Variants in COMMD10 observed in about 807,000 individuals in gnomAD.
COMMD10 encodes the protein COMM domain containing 10, also known as COMM domain-containing protein 10.
Under a neutral mutation model 28.9 loss-of-function variants are expected in COMMD10, and 33 were observed. The ratio of observed to expected loss-of-function variants is 1.14; its 90% CI spans 0.87 to 1.53. The LOEUF (loss-of-function observed/expected upper bound fraction) is 1.53. COMMD10 is among the 40% of genes most tolerant of loss of function. The pLI is 0.00. For missense variants in COMMD10, 310 were observed against 233.4 expected, an observed-to-expected ratio of 1.33 and a Z score of -2.14; for synonymous variants, 110 against 81.7, an observed-to-expected ratio of 1.35 and a Z score of -1.87.
At chr5:116,159,420 C>G (rs1490937082) in intron 5 of COMMD10, among the ~76,000 whole-genome samples, 2 of 152,182 alleles carry the variant, frequency 1.3e-5, no homozygotes, top group East Asian at 1.9e-4. Context: ...GGTCTCTACT[C>G]AAGTATCATT....
At chr5:116,101,491 A>G (rs905137161) in intron 4 of COMMD10, among the ~76,000 whole-genome samples, 4 of 151,878 alleles carry the variant, frequency 2.6e-5, no homozygotes, top group Admixed American at 2.6e-4. Context: ...CAATGGTGTG[A>G]CCTCGGCTCA....
At chr5:116,185,936 C>A (rs914169329) in intron 5 of COMMD10, among the ~76,000 whole-genome samples, 1 of 151,974 alleles carries the variant, frequency 6.6e-6, no homozygotes, top group Non-Finnish European at 1.5e-5. Context: ...GAACTCTGAC[C>A]CTGGATGAAT....
At chr5:116,110,918 T>G (rs765657195) in intron 4 of COMMD10, among the ~76,000 whole-genome samples, 1 of 152,152 alleles carries the variant, frequency 6.6e-6, no homozygotes, top group Admixed American at 6.5e-5. Context: ...GCCTCCATCA[T>G]CCAATCACCT....
chr5:116,153,096 A>C (rs1170882677), intron 5 of COMMD10, among the ~76,000 whole-genome samples: 1 of 152,124 alleles, frequency 6.6e-6, no homozygotes, highest in Admixed American at 6.6e-5. Flanking sequence ...GACCTTTATG[A>C]ATAAAATAGT....
chr5:116,093,805 A>G (rs1334283503), intron 4 of COMMD10, among the ~76,000 whole-genome samples: 1 of 152,240 alleles, frequency 6.6e-6, no homozygotes, highest in Non-Finnish European at 1.5e-5. Context: ...CCAAAACAGC[A>G]TGGTGTTGGT....
chr5:116,162,119 T>C (rs564932115), intron 5 of COMMD10, among the ~76,000 whole-genome samples: 220 of 152,356 alleles, frequency 1.4e-3, no homozygotes, highest in Non-Finnish European at 2.5e-3. Flanking sequence ...GCATGCCCCT[T>C]AAGTAGATTC....
In COMMD10 at chr5:116,286,430, A is replaced by G. The variant is rs563442660; in HGVS notation, c.511-5087A>G. On this transcript the variant is annotated intron_variant, in intron 5 of 6. Transcript: ENST00000274458. ...GACCTTAGGGTTTTTTTTTTTTCCT[A>G]GTTCCTTGGATGTAAAGTTAGGTTG... 2.8e-3 allele frequency among the ~76,000 whole-genome samples: 384 copies of G among 138,208 alleles called. 1 individual carries two copies. Among genetic ancestry groups the G allele is most frequent in the Non-Finnish European group, 4.7e-3 (297 of 63,864 alleles). The allele number at this position is 138,208 out of a possible 152,430, so 90.7% of individuals were successfully genotyped here.
In COMMD10 at chr5:116,272,546, A is replaced by G. The variant is rs567128093; in HGVS notation, c.511-18971A>G. ...TTGAACATCCCAGAACACTGTTGCC[A>G]TAGCCTTTGCTCGTGACTGGACCAC... On this transcript the variant is annotated intron_variant, in intron 5 of 6. Transcript: ENST00000274458. Among the ~76,000 whole-genome samples, 15 of 151,802 alleles carry G rather than the reference A, an allele frequency of 9.9e-5. 1 individual carries two copies. The highest frequency in any genetic ancestry group is 4.6e-4 in the Admixed American group (7 of 15,220).
intron 5 of COMMD10, among the ~76,000 whole-genome samples, chr5:116,247,512 A>C (rs1749985162): frequency 6.6e-6 from 1 of 152,038 alleles, no homozygotes; most frequent in South Asian, 2.1e-4. Flanking sequence ...TATTATAAAG[A>C]CACATACGTA....
chr5:116,237,787 T>G (rs1749710811), intron 5 of COMMD10, among the ~76,000 whole-genome samples: 1 of 152,228 alleles, frequency 6.6e-6, no homozygotes, highest in Non-Finnish European at 1.5e-5. Flanking sequence ...CATTTTGTAT[T>G]TCTTGCAAGT....
chr5:116,230,347 C>A (rs1298842051), intron 5 of COMMD10, among the ~76,000 whole-genome samples: 1 of 151,996 alleles, frequency 6.6e-6, no homozygotes, highest in Non-Finnish European at 1.5e-5. Flanking sequence ...TCAGATATTT[C>A]TCTACTGTAA....
intron 5 of COMMD10, among the ~76,000 whole-genome samples, chr5:116,210,408 TAGGA>T (rs1205213346): frequency 6.6e-6 from 1 of 151,888 alleles, no homozygotes; most frequent in Non-Finnish European, 1.5e-5. Context: ...ATCTTTTTCT[TAGGA>T]AGATAATTAT....
intron 4 of COMMD10, among the ~76,000 whole-genome samples, chr5:116,118,862 C>A (rs1048319722): frequency 6.6e-6 from 1 of 152,198 alleles, no homozygotes; most frequent in Non-Finnish European, 1.5e-5. Flanking sequence ...TATTTCTCCA[C>A]TGCATAAGTA....
intron 5 of COMMD10, among the ~76,000 whole-genome samples, chr5:116,172,464 T>C (rs1464672930): frequency 2.0e-5 from 3 of 152,194 alleles, no homozygotes. Flanking sequence ...CTTTGGCTTT[T>C]TGATTCTACA....
chr5:116,183,710 C>T (rs1580529141), intron 5 of COMMD10, among the ~76,000 whole-genome samples: 1 of 152,116 alleles, frequency 6.6e-6, no homozygotes, highest in East Asian at 1.9e-4. Context: ...TAAATACTTT[C>T]TGAATGAATG....
intron 5 of COMMD10, among the ~76,000 whole-genome samples, chr5:116,212,661 T>A (rs1451292318): frequency 6.6e-6 from 1 of 152,100 alleles, no homozygotes; most frequent in East Asian, 1.9e-4. Flanking sequence ...ATTGACATTT[T>A]ATTGAAATTA....
At chr5:116,268,911 C>T (rs900826174) in intron 5 of COMMD10, among the ~76,000 whole-genome samples, 2 of 150,042 alleles carry the variant, frequency 1.3e-5, no homozygotes, top group Non-Finnish European at 2.9e-5. Flanking sequence ...AACACTTGGA[C>T]ACAGAGAGAG....
intron 4 of COMMD10, among the ~76,000 whole-genome samples, chr5:116,096,435 G>A: frequency 6.6e-6 from 1 of 151,312 alleles, no homozygotes. Context: ...TTTCTATACT[G>A]ATCTCTATCC....
chr5:116,104,280 C>T (rs1750762054), intron 4 of COMMD10, among the ~76,000 whole-genome samples: 1 of 152,212 alleles, frequency 6.6e-6, no homozygotes, highest in African/African-American at 2.4e-5. Flanking sequence ...TATCCATGAG[C>T]ATGGAATGTT....
Sources: allele counts gnomAD v4.1 joint callset (sites outside exome capture counted in the v4.1 genomes callset), GRCh38; gene constraint gnomAD v4.1.1; transcripts MANE v1.5; gene names NCBI Gene and HGNC (gene_info 2026-07-23, HGNC 2026-07-21).